Variants in PYGO1 observed in about 807,000 individuals in gnomAD.
PYGO1 encodes pygopus homolog 1.
PYGO1 carries 6 observed loss-of-function variants against 29.5 expected under a neutral mutation model. The observed-to-expected ratio is 0.20, with a 90% confidence interval of 0.11 to 0.40. The LOEUF (loss-of-function observed/expected upper bound fraction) is 0.40, where lower values mean the gene tolerates loss of function less well. Among genes scored for constraint, PYGO1 ranks in the 10% least tolerant of loss-of-function variants. PYGO1 has a pLI of 1.00. For missense variants in PYGO1, 515 were observed against 514.9 expected, an observed-to-expected ratio of 1.00 and a Z score of 0.00; for synonymous variants, 186 against 180.5, an observed-to-expected ratio of 1.03 and a Z score of -0.24.
chr15:55,587,274 T>C (rs1225336521), intron 1 of PYGO1, among the ~76,000 whole-genome samples: 1 of 152,082 alleles, frequency 6.6e-6, no homozygotes, highest in Non-Finnish European at 1.5e-5. Context: ...TTTTAGATAA[T>C]ATCTTATCCA....
rs1189501823 is a variant in PYGO1, at chr15:55,575,051, C to A, written c.49+12784G>T. 2.6e-5 allele frequency among the ~76,000 whole-genome samples: 4 copies of A among 152,238 alleles called. No homozygotes were observed. In the East Asian group the frequency reaches 7.7e-4, roughly 29 times the overall value. On this transcript the variant is annotated intron_variant, in intron 1 of 2. Transcript: ENST00000563719. ...ATCCTCAAAGAATTCTATGGCTATA[C>A]CCATTTTATAGATGAGAAAACAGAG... is the stretch of plus-strand genomic sequence containing the variant.
chr15:55,548,997 TA>T lies in PYGO1; in HGVS notation c.50-3del, dbSNP rs76876528. 91,838 of 1,042,752 alleles carry T rather than the reference TA, an allele frequency of 0.088. No homozygotes were observed. The highest frequency in any genetic ancestry group is 0.12 in the South Asian group (6,956 of 57,272). 64.6% of individuals were successfully genotyped at this position (1,042,752 alleles called of 1,614,324 possible). A position where few individuals can be genotyped will look rare whatever the true frequency, so the allele number is the denominator to read the frequency against. On this transcript the variant is annotated splice_polypyrimidine_tract_variant and splice_region_variant and intron_variant, in intron 1 of 2. Transcript: ENST00000563719. ...ACCCATCCAGTCCACTATCACCACC[TA>T]AAAAAAAAAAAATTCAGGTAATATT...
At position 55,546,953 on chromosome 15, in the gene PYGO1, A is replaced by G. The variant is rs1595980257; in HGVS notation, c.330T>C (p.Val110=). The part of the protein sequence containing the change: ...GYSTFRMPPH[V]PPRMSSPYCG... ...AGTATGGGGAAGACATTCTTGGGGGAACGTGAGGTGGCATTCTGAATGTAC... is the reference window on the plus strand; with the variant it reads ...AGTATGGGGAAGACATTCTTGGGGGGACGTGAGGTGGCATTCTGAATGTAC... The change falls in exon 3 of 3, where the codon GTT becomes GTC. Residue 110 remains valine (V), a synonymous_variant. Coordinates refer to ENST00000563719, the MANE Select transcript of PYGO1 (RefSeq NM_001367806.1). 6.2e-7 allele frequency: 1 copy of G among 1,613,966 alleles called. No individual in the cohort carries two copies. The highest frequency in any genetic ancestry group is 8.5e-7 in the Non-Finnish European group (1 of 1,179,936).
At chr15:55,560,421 C>T (rs2058928110) in intron 1 of PYGO1, among the ~76,000 whole-genome samples, 1 of 152,064 alleles carries the variant, frequency 6.6e-6, no homozygotes, top group Admixed American at 6.6e-5. Context: ...TGAATGAACT[C>T]CCATTCACAA....
intron 1 of PYGO1, among the ~76,000 whole-genome samples, chr15:55,573,985 G>A (rs1288524898): frequency 6.6e-6 from 1 of 152,188 alleles, no homozygotes; most frequent in Non-Finnish European, 1.5e-5. Flanking sequence ...CAAGGTTGAA[G>A]ACCTCAATCT....
At chr15:55,578,317 G>GT (rs967794769) in intron 1 of PYGO1, among the ~76,000 whole-genome samples, 33 of 148,698 alleles carry the variant, frequency 2.2e-4, no homozygotes, top group Admixed American at 2.7e-4. Flanking sequence ...TCTTGTACAA[G>GT]TTTTTTTTTT....
intron 1 of PYGO1, among the ~76,000 whole-genome samples, chr15:55,560,816 G>T (rs1345443003): frequency 1.3e-5 from 2 of 152,032 alleles, no homozygotes; most frequent in Admixed American, 1.3e-4. Flanking sequence ...ACAAAAATTA[G>T]CCAGGCATGG....
intron 2 of PYGO1, 62 bp downstream of exon 2, chr15:55,548,848 T>A: frequency 7.4e-7 from 1 of 1,359,258 alleles, no homozygotes. Context: ...AGTTCAAATT[T>A]ACCTCATCAG....
chr15:55,563,980 CCGTGGAAAACA>C (rs908026723), intron 1 of PYGO1, among the ~76,000 whole-genome samples: 12 of 152,120 alleles, frequency 7.9e-5, no homozygotes, highest in African/African-American at 2.7e-4. Flanking sequence ...GGTACAGCCA[CCGTGGAAAACA>C]CGTGGAAAAC....
chr15:55,545,421 A>G lies in PYGO1; in HGVS notation c.*602T>C, dbSNP rs569389546. On this transcript the variant is annotated 3_prime_UTR_variant, in exon 3 of 3. Transcript: ENST00000563719. ...AAGTTAATCAACAATACTTACTGAG[A>G]ATTTACTATATGCTAAGATCTGTCT... is the stretch of plus-strand genomic sequence containing the variant. 144 of 152,322 alleles carry G rather than the reference A, an allele frequency of 9.5e-4. No homozygotes were observed. The highest frequency in any genetic ancestry group is 3.2e-3 in the African/African-American group (134 of 41,574). The allele number at this position is 152,322 out of a possible 1,614,324, so 9.4% of individuals were successfully genotyped here.
intron 1 of PYGO1, among the ~76,000 whole-genome samples, chr15:55,577,832 C>T (rs1392350382): frequency 7.0e-6 from 1 of 143,500 alleles, no homozygotes; most frequent in Non-Finnish European, 1.5e-5. Context: ...GTGGCACAAT[C>T]TTGGCTCACT....
chr15:55,563,442 CT>C (rs2058942013), intron 1 of PYGO1, among the ~76,000 whole-genome samples: 1 of 149,928 alleles, frequency 6.7e-6, no homozygotes, highest in African/African-American at 2.5e-5. Context: ...TCTTGGCTCA[CT>C]TCAACCTCTG....
chr15:55,549,754 G>A (rs1280311381), intron 1 of PYGO1, among the ~76,000 whole-genome samples: 10 of 152,168 alleles, frequency 6.6e-5, no homozygotes, highest in Non-Finnish European at 1.2e-4. Context: ...ATCAATCTAA[G>A]AGGTTAAAAA....
rs141965885 is a variant in PYGO1, at chr15:55,587,203, C to T, written c.49+632G>A. Among the ~76,000 whole-genome samples, 11 of 152,194 alleles carry T rather than the reference C, an allele frequency of 7.2e-5. 1 individual carries two copies. In the East Asian group the frequency reaches 2.1e-3, roughly 29 times the overall value. On this transcript the variant is annotated intron_variant, in intron 1 of 2. Coordinates refer to ENST00000563719, the MANE Select transcript of PYGO1 (RefSeq NM_001367806.1). ...TGATTTTTCTTAGATGATAGTAACA[C>T]GAAAGGAAAATTCCTAACCAGTGCG...
intron 1 of PYGO1, among the ~76,000 whole-genome samples, chr15:55,555,080 GA>G (rs536470875): frequency 7.4e-5 from 11 of 148,622 alleles, no homozygotes; most frequent in South Asian, 2.1e-4. Context: ...AGGTCAAGAT[GA>G]AAAAAAAAAT....
Position 55,545,732 on chromosome 15 carries a change from A to C in PYGO1, c.*291T>G, listed in dbSNP as rs1401339095. On this transcript the variant is annotated 3_prime_UTR_variant, in exon 3 of 3. Transcript: ENST00000563719. ...AACTTTTAAAAGTTAAAACTTGCCT[A>C]CATTTGTTATATATTATTTTGAAGT... 1.2e-5 allele frequency: 3 copies of C among 241,936 alleles called. No individual in the cohort carries two copies. The highest frequency in any genetic ancestry group is 1.6e-5 in the Non-Finnish European group (2 of 126,948). 15.0% of individuals were successfully genotyped at this position (241,936 alleles called of 1,614,324 possible).
At chr15:55,573,979 G>A (rs1222568089) in intron 1 of PYGO1, among the ~76,000 whole-genome samples, 1 of 152,130 alleles carries the variant, frequency 6.6e-6, no homozygotes, top group Non-Finnish European at 1.5e-5. Flanking sequence ...GGCAACCAAG[G>A]TTGAAGACCT....
Position 55,546,744 on chromosome 15 carries a change from G to T in PYGO1, c.539C>A (p.Pro180His). ...AGGAATTTGACTGAAATTTTCAGCA[G>T]GATTTTGTCTAAAATGTTGATTAGG... ...NMPNQHFRQN[P>H]AENFSQIPPQ... The change falls in exon 3 of 3, where the codon CCT (proline) becomes CAT (histidine). Residue 180 changes from proline (P) to histidine (H), a missense_variant. By Grantham distance (77) the Pro-to-His change is moderately conservative (BLOSUM62 -2). Coordinates refer to ENST00000563719, the MANE Select transcript of PYGO1 (RefSeq NM_001367806.1). 1.9e-6 allele frequency: 3 copies of T among 1,614,064 alleles called. No homozygotes were observed. Among genetic ancestry groups the T allele is most frequent in the Non-Finnish European group, 2.5e-6 (3 of 1,179,966 alleles).
At position 55,539,543 on chromosome 15, in the gene PYGO1, C is replaced by A. The variant is rs917178047; in HGVS notation, c.*6480G>T. On this transcript the variant is annotated 3_prime_UTR_variant, in exon 3 of 3. Coordinates refer to ENST00000563719, the MANE Select transcript of PYGO1 (RefSeq NM_001367806.1). The stretch of plus-strand genomic sequence containing the variant: ...TAATACTTCTTTAGACGTCTATGAT[C>A]TAAATAGAAACAGACTCAGTTCTAA... The A allele has an allele frequency of 2.6e-5, 4 of 151,836 alleles. No individual in the cohort carries two copies. Among genetic ancestry groups the A allele is most frequent in the Non-Finnish European group, 5.9e-5 (4 of 67,886 alleles). The allele number at this position is 151,836 out of a possible 1,614,324, so 9.4% of individuals were successfully genotyped here.
Sources: gnomAD v4.1 joint callset for allele counts (sites outside exome capture counted in the v4.1 genomes callset) on GRCh38, gnomAD v4.1.1 for gene constraint, MANE v1.5 for transcripts, NCBI Gene and HGNC (gene_info 2026-07-23, HGNC 2026-07-21) for gene names.